The following CCDC102A variants were observed in gnomAD, a reference collection of about 807,000 sequenced individuals.
CCDC102A encodes the protein coiled-coil domain-containing protein 102A.
A neutral mutation model predicts 55.5 loss-of-function variants in CCDC102A; 40 were observed. That is an observed-to-expected ratio of 0.72 (90% CI 0.56 to 0.94). The LOEUF is 0.94. CCDC102A is among the 40% of genes least tolerant of loss of function. The pLI, the probability that CCDC102A is intolerant of heterozygous loss-of-function variation, is 0.00. For synonymous variants in CCDC102A, 323 were observed against 339.0 expected (o/e 0.95, Z 0.52); for missense variants, 779 against 768.6 (o/e 1.01, Z -0.16).
chr16:57,533,284 G>A (rs947181558), intron 1 of CCDC102A, among the ~76,000 whole-genome samples: 2 of 152,054 alleles, frequency 1.3e-5, no homozygotes, highest in East Asian at 1.9e-4. Context: ...TGTGTGGGAA[G>A]GGGTGGGGGT....
chr16:57,518,826 GT>G, intron 4 of CCDC102A, 85 bp from the exon 5 acceptor site: 1 of 1,035,850 alleles, frequency 9.7e-7, no homozygotes, highest in South Asian at 1.4e-5. Flanking sequence ...CAGTGCAGGA[GT>G]GCTCAGCGTG....
intron 1 of CCDC102A, among the ~76,000 whole-genome samples, chr16:57,530,984 C>G (rs1024431696): frequency 6.6e-6 from 1 of 151,944 alleles, no homozygotes; most frequent in Non-Finnish European, 1.5e-5. Context: ...CAGGTTTCCC[C>G]TCCTCTCCAG....
At chr16:57,512,947 G>A in intron 8 of CCDC102A, 77 bp from the exon 9 acceptor site, 2 of 1,302,202 alleles carry the variant, frequency 1.5e-6, no homozygotes, top group East Asian at 2.3e-5. Context: ...GCTGGTGCTG[G>A]AGCAGTTAAG....
chr16:57,536,168 T>C (rs1372327198), intron 1 of CCDC102A, among the ~76,000 whole-genome samples: 1 of 152,048 alleles, frequency 6.6e-6, no homozygotes, highest in African/African-American at 2.4e-5. Context: ...GCGACCACGT[T>C]GGGTCCCCCG....
At chr16:57,525,380 C>A (rs565698857) in intron 3 of CCDC102A, among the ~76,000 whole-genome samples, 87 of 152,154 alleles carry the variant, frequency 5.7e-4, no homozygotes, top group Non-Finnish European at 1.1e-3. Context: ...GGATTACAGG[C>A]GTGAGCCACT....
upstream of CCDC102A, among the ~76,000 whole-genome samples, chr16:57,537,008 C>T (rs898367196): frequency 9.2e-5 from 14 of 152,198 alleles, no homozygotes; most frequent in Admixed American, 9.2e-4. Context: ...AGTGGGCCAA[C>T]AAGTCTGTGC....
At chr16:57,527,763 G>C (rs531964258) in intron 2 of CCDC102A, among the ~76,000 whole-genome samples, 13 of 152,304 alleles carry the variant, frequency 8.5e-5, no homozygotes, top group Admixed American at 3.9e-4. Context: ...TCCCCATGGA[G>C]CAAATATCTT....
At chr16:57,536,028 G>A (rs547289085) in intron 1 of CCDC102A, among the ~76,000 whole-genome samples, 2 of 152,330 alleles carry the variant, frequency 1.3e-5, no homozygotes, top group Admixed American at 6.5e-5. Flanking sequence ...AGGGTGGAGG[G>A]GGTTCCCGGC....
chr16:57,536,145 C>T (rs556728468), intron 1 of CCDC102A, among the ~76,000 whole-genome samples: 38 of 152,260 alleles, frequency 2.5e-4, no homozygotes, highest in South Asian at 4.1e-4. Flanking sequence ...CCGTCCATCC[C>T]GCATTCGCCA....
chr16:57,518,394 C>A, intron 5 of CCDC102A, 117 bp from the exon 6 acceptor site: 1 of 972,840 alleles, frequency 1.0e-6, no homozygotes, highest in Non-Finnish European at 1.5e-6. Flanking sequence ...GATCCAGCTG[C>A]ATTGGCTGTA....
rs117534443 is a variant in CCDC102A at position 57,519,921 on chromosome 16, T to C, written c.921+1147A>G. Among the ~76,000 whole-genome samples the C allele has an allele frequency of 7.2e-3, 1,092 of 152,314 alleles. 7 individuals are homozygous for C. Among genetic ancestry groups the C allele is most frequent in the Non-Finnish European group, 0.012 (806 of 68,004 alleles). ...AGAAACCCACCGATCCAGTGTGGCG[T>C]TCCCTGGGTGGCTGCGCCCTCTGGT... is the stretch of plus-strand genomic sequence containing the variant. On this transcript the variant is annotated intron_variant, in intron 4 of 8. Coordinates refer to ENST00000258214, the MANE Select transcript of CCDC102A (RefSeq NM_033212.4).
intron 6 of CCDC102A, among the ~76,000 whole-genome samples, chr16:57,517,248 C>T (rs927272777): frequency 5.3e-5 from 8 of 152,198 alleles, no homozygotes; most frequent in Non-Finnish European, 7.3e-5. Context: ...TCTTTCACCA[C>T]GGACATTTAT....
In CCDC102A at chr16:57,512,521, C is replaced by T. The variant is rs1394902848; in HGVS notation, c.*220G>A. On this transcript the variant is annotated 3_prime_UTR_variant, in exon 9 of 9. Transcript: ENST00000258214. The stretch of plus-strand genomic sequence containing the variant: ...CCAAAGACTTCTGGGTGTGCGCGCG[C>T]GCGCGCGCGTGTGTGTATATATATA... 7.2e-5 allele frequency: 34 copies of T among 473,362 alleles called. No individual in the cohort carries two copies. Among genetic ancestry groups the T allele is most frequent in the East Asian group, 2.0e-4 (6 of 29,598 alleles). The allele number at this position is 473,362 out of a possible 1,614,324, so 29.3% of individuals were successfully genotyped here. A position where few individuals can be genotyped will look rare whatever the true frequency, so the allele number is the denominator to read the frequency against.
At chr16:57,526,260 T>C (rs1319447040) in intron 2 of CCDC102A, 133 bp from the exon 3 acceptor site, 2 of 642,534 alleles carry the variant, frequency 3.1e-6, no homozygotes, top group Non-Finnish European at 5.3e-6. Context: ...GCTGCCTGCC[T>C]CTCCATCTCT....
At chr16:57,515,218 C>T in intron 8 of CCDC102A, 123 bp downstream of exon 8, 1 of 694,232 alleles carries the variant, frequency 1.4e-6, no homozygotes, top group African/African-American at 1.8e-5. Flanking sequence ...AGGATTCTGG[C>T]TCCAGGCACC....
Position 57,528,939 on chromosome 16 carries a change from A to T in CCDC102A, c.239T>A (p.Leu80Gln). ...ESREELRLRELEEARARAAQM... is the reference protein window; with the variant it reads ...ESREELRLREQEEARARAAQM... ...CGCCGCCCGCGCCCGCGCCTCCTCC[A>T]GCTCCCGCAGCCGCAGCTCCTCGCG... Residue 80 changes from leucine (L) to glutamine (Q), a missense_variant, in exon 2 of 9, where the codon CTG (leucine) becomes CAG (glutamine). Transcript: ENST00000258214. 1 of 1,389,346 alleles carries T rather than the reference A, an allele frequency of 7.2e-7. No homozygotes were observed. The highest frequency in any genetic ancestry group is 9.4e-7 in the Non-Finnish European group (1 of 1,060,174). The allele number at this position is 1,389,346 out of a possible 1,614,324, so 86.1% of individuals were successfully genotyped here.
intron 7 of CCDC102A, 116 bp from the exon 8 acceptor site, chr16:57,515,560 G>GT: frequency 2.9e-6 from 2 of 701,330 alleles, no homozygotes; most frequent in Admixed American, 4.1e-5. Context: ...CTCCGAGAGT[G>GT]TTTGCTCCTT....
chr16:57,522,275 G>A (rs1008266335), intron 3 of CCDC102A, among the ~76,000 whole-genome samples: 2 of 152,194 alleles, frequency 1.3e-5, no homozygotes, highest in Non-Finnish European at 2.9e-5. Context: ...CTGTTGCTCA[G>A]GCTGGAGTGC....
intron 6 of CCDC102A, 114 bp downstream of exon 6, chr16:57,517,953 GA>G: frequency 8.2e-7 from 1 of 1,215,430 alleles, no homozygotes; most frequent in Non-Finnish European, 1.1e-6. Flanking sequence ...ACAAGGTGCT[GA>G]ATACATGCAG....
Sources: gnomAD v4.1 joint callset for allele counts (sites outside exome capture counted in the v4.1 genomes callset) on GRCh38, gnomAD v4.1.1 for gene constraint, MANE v1.5 for transcripts, NCBI Gene and HGNC (gene_info 2026-07-23, HGNC 2026-07-21) for gene names.